CECR2: variants seen among roughly 807,000 people sequenced by gnomAD.
The protein encoded by CECR2 is CECR2 histone acetyl-lysine reader.
Under a neutral mutation model 154.5 loss-of-function variants are expected in CECR2, and 30 were observed. The observed-to-expected ratio is 0.19, with a 90% CI of 0.15 to 0.26. CECR2 has a LOEUF of 0.26. Ranked by LOEUF, CECR2 falls within the 10% of genes least tolerant of loss-of-function variation. The pLI, the probability that CECR2 is intolerant of heterozygous loss-of-function variation, is 1.00. For synonymous variants in CECR2, 725 were observed against 683.7 expected (o/e 1.06, Z -0.94); for missense variants, 1,743 against 1,829.3 (o/e 0.95, Z 0.86).
chr22:17,370,068 C>T (rs1203584812), intron 1 of CECR2, among the ~76,000 whole-genome samples, 159 bp downstream of exon 1: 1 of 146,892 alleles, frequency 6.8e-6, no homozygotes, highest in Admixed American at 6.7e-5. Context: ...GGAGGGCGGG[C>T]GGGGGCCGCC....
chr22:17,410,622 A>T (rs892386883), intron 1 of CECR2, among the ~76,000 whole-genome samples: 6 of 152,068 alleles, frequency 3.9e-5, no homozygotes, highest in African/African-American at 1.2e-4. Context: ...TAATTTTTGT[A>T]TTTTTAGCAG....
In CECR2 at chr22:17,518,520, T is replaced by C. The variant is rs118092937; in HGVS notation, c.955-5598T>C. Among the ~76,000 whole-genome samples the C allele has an allele frequency of 3.5e-3, 531 of 152,336 alleles. 2 individuals are homozygous for C. The highest frequency in any genetic ancestry group is 6.8e-3 in the Middle Eastern group (2 of 294). The stretch of plus-strand genomic sequence containing the variant: ...CGGAATGTTATCTTCTGGCCATCTT[T>C]CATGCCTTTGTCAATATGGACTTCT... On this transcript the variant is annotated intron_variant, in intron 8 of 18. Transcript: ENST00000262608.
intron 8 of CECR2, among the ~76,000 whole-genome samples, chr22:17,523,289 C>T (rs539320943): frequency 4.7e-4 from 71 of 150,664 alleles, no homozygotes; most frequent in Non-Finnish European, 3.7e-4. Flanking sequence ...GAGGCTGAGG[C>T]GAGAGAATCA....
chr22:17,379,824 A>G (rs1181761804), intron 1 of CECR2, among the ~76,000 whole-genome samples: 1 of 151,932 alleles, frequency 6.6e-6, no homozygotes, highest in Non-Finnish European at 1.5e-5. Flanking sequence ...CGGTATTGTG[A>G]GTGTGACTCA....
chr22:17,503,226 G>T, intron 6 of CECR2, 95 bp downstream of exon 6: 2 of 1,201,270 alleles, frequency 1.7e-6, no homozygotes, highest in Non-Finnish European at 2.4e-6. Context: ...ACAAAGTAAA[G>T]GTTATTGCAA....
Position 17,513,470 on chromosome 22 carries a change from T to G in CECR2, c.954+1574T>G, listed in dbSNP as rs2055997098. On this transcript the variant is annotated intron_variant, in intron 8 of 18. Transcript: ENST00000262608. ...AGATCTTGTCAGTAACTAAACACAT[T>G]CTACCTTGAGCCCTGAAAAGGGAAA... Among the ~76,000 whole-genome samples, 3 of 152,204 alleles carry G rather than the reference T, an allele frequency of 2.0e-5. No individual in the cohort carries two copies. In the South Asian group the frequency reaches 6.2e-4, roughly 32 times the overall value.
At chr22:17,517,714 A>G (rs2056083516) in intron 8 of CECR2, among the ~76,000 whole-genome samples, 1 of 152,248 alleles carries the variant, frequency 6.6e-6, no homozygotes, top group African/African-American at 2.4e-5. Flanking sequence ...ATCCACGTAC[A>G]CAACTCAGTT....
chr22:17,527,955 G>T (rs1333435328), intron 9 of CECR2, among the ~76,000 whole-genome samples: 1 of 152,172 alleles, frequency 6.6e-6, no homozygotes, highest in Non-Finnish European at 1.5e-5. Flanking sequence ...TATACTGTTG[G>T]TAGGAACATA....
At chr22:17,463,828 G>C (rs1265571814) in intron 1 of CECR2, among the ~76,000 whole-genome samples, 2 of 152,072 alleles carry the variant, frequency 1.3e-5, no homozygotes, top group Admixed American at 6.6e-5. Context: ...GAGTCAGTGG[G>C]TGTAGAGCAG....
At chr22:17,528,736 G>T (rs977122442) in intron 9 of CECR2, among the ~76,000 whole-genome samples, 1 of 151,960 alleles carries the variant, frequency 6.6e-6, no homozygotes, top group Non-Finnish European at 1.5e-5. Context: ...GGGTTTTGCC[G>T]TGTTGGCCAG....
At chr22:17,543,864 A>G (rs1416094396) in intron 16 of CECR2, among the ~76,000 whole-genome samples, 1 of 152,000 alleles carries the variant, frequency 6.6e-6, no homozygotes, top group Non-Finnish European at 1.5e-5. Context: ...ACTTTTATAC[A>G]TTAATTCATT....
chr22:17,450,325 C>T (rs2054748695), intron 1 of CECR2, among the ~76,000 whole-genome samples: 1 of 152,154 alleles, frequency 6.6e-6, no homozygotes, highest in African/African-American at 2.4e-5. Context: ...GGCTGGAGTG[C>T]AGTGGCGCAA....
chr22:17,510,455 A>G (rs2055923347), intron 7 of CECR2, among the ~76,000 whole-genome samples: 1 of 147,126 alleles, frequency 6.8e-6, no homozygotes. Context: ...CGGCGACAGA[A>G]CAAGAACCTA....
At chr22:17,537,055 C>A in intron 9 of CECR2, 48 bp from the exon 10 acceptor site, 2 of 1,602,382 alleles carry the variant, frequency 1.2e-6, no homozygotes, top group South Asian at 2.2e-5. Flanking sequence ...CACGCCATGT[C>A]AGTGTCTGGA....
chr22:17,419,528 A>G (rs1426748684), intron 1 of CECR2: 2 of 158,194 alleles, frequency 1.3e-5, no homozygotes, highest in Non-Finnish European at 2.4e-5. Context: ...AAGAAGAAGA[A>G]GAGGAAGAGG....
rs1169403045 is a variant in CECR2, at chr22:17,503,256, T to C, written c.700+125T>C. 3.4e-5 allele frequency: 26 copies of C among 775,970 alleles called. No individual in the cohort carries two copies. The East Asian group carries it at 7.2e-4, about 21-fold the overall frequency. The allele number at this position is 775,970 out of a possible 1,614,324, so 48.1% of individuals were successfully genotyped here. ...TTGCAATAGCCTTTTACCTACCCCCTGTACTCTTCTTCAGTTCTCCTCCTC... is the reference window on the plus strand; with the variant it reads ...TTGCAATAGCCTTTTACCTACCCCCCGTACTCTTCTTCAGTTCTCCTCCTC... On this transcript the variant is annotated intron_variant, in intron 6 of 18. Transcript: ENST00000262608.
chr22:17,368,916 A>G (rs948326336), upstream of CECR2, among the ~76,000 whole-genome samples: 8 of 152,024 alleles, frequency 5.3e-5, no homozygotes, highest in African/African-American at 1.9e-4. Flanking sequence ...CTCGGAGAAA[A>G]AAGCCACTTC....
intron 7 of CECR2, among the ~76,000 whole-genome samples, chr22:17,511,164 T>C (rs2055943895): frequency 6.6e-6 from 1 of 152,214 alleles, no homozygotes; most frequent in Admixed American, 6.5e-5. Context: ...GCCATGGGGC[T>C]CATTCCTCAC....
chr22:17,497,268 T>A, intron 2 of CECR2, 135 bp from the exon 3 acceptor site: 1 of 817,836 alleles, frequency 1.2e-6, no homozygotes, highest in Non-Finnish European at 1.9e-6. Flanking sequence ...CTAGCCTGGA[T>A]GACAGAGCGA....
Sources: allele counts gnomAD v4.1 joint callset (sites outside exome capture counted in the v4.1 genomes callset), GRCh38; gene constraint gnomAD v4.1.1; transcripts MANE v1.5; gene names NCBI Gene and HGNC (gene_info 2026-07-23, HGNC 2026-07-21).